COL5A2: variants seen among roughly 807,000 people sequenced by gnomAD.
COL5A2 encodes the protein collagen type V alpha 2 chain.
COL5A2 carries 23 observed loss-of-function variants against 208.2 expected under a neutral mutation model. That is an observed-to-expected ratio of 0.11 (90% CI 0.08 to 0.16). COL5A2 has a LOEUF of 0.16. Among genes scored for constraint, COL5A2 ranks in the 10% least tolerant of loss-of-function variants. The probability of loss-of-function intolerance (pLI) is 1.00; values close to 1 mark genes in which losing one functional copy is unlikely to be tolerated. For synonymous variants in COL5A2, 625 were observed against 628.5 expected (o/e 0.99, Z 0.08); for missense variants, 1,590 against 1,956.4 (o/e 0.81, Z 3.53).
chr2:189,151,871 T>C (rs1327067323), intron 1 of COL5A2, among the ~76,000 whole-genome samples: 1 of 152,200 alleles, frequency 6.6e-6, no homozygotes, highest in East Asian at 1.9e-4. Context: ...GCCACTTTAC[T>C]TTAAAAATCA....
chr2:189,231,554 T>C, the COL5A2 span, among the ~76,000 whole-genome samples: 7 of 151,678 alleles, frequency 4.6e-5, no homozygotes, highest in Non-Finnish European at 1.0e-4. Context: ...CTGATTCATG[T>C]AGATACATAT....
chr2:189,061,451 G>A, intron 30 of COL5A2, 111 bp downstream of exon 30: 2 of 839,672 alleles, frequency 2.4e-6, no homozygotes, highest in Non-Finnish European at 4.0e-6. Flanking sequence ...AAAGAGGGAT[G>A]ACTTTTTGAA....
chr2:189,347,985 T>C, the COL5A2 span, among the ~76,000 whole-genome samples: 1 of 152,146 alleles, frequency 6.6e-6, no homozygotes, highest in Non-Finnish European at 1.5e-5. Context: ...AAGGATTAAT[T>C]TAACTGTTGC....
At chr2:189,281,445 A>G in the COL5A2 span, among the ~76,000 whole-genome samples, 1 of 152,198 alleles carries the variant, frequency 6.6e-6, no homozygotes, top group East Asian at 1.9e-4. Flanking sequence ...AGCTGCTTAT[A>G]TGAGTAATAG....
chr2:189,191,613 C>T (rs898709256), intron 1 of COL5A2, among the ~76,000 whole-genome samples: 2 of 151,884 alleles, frequency 1.3e-5, no homozygotes, highest in Non-Finnish European at 2.9e-5. Flanking sequence ...GCCAAGATTG[C>T]GCTCCAGCCT....
At chr2:189,063,901 T>C in intron 26 of COL5A2, 79 bp downstream of exon 26, 1 of 1,140,412 alleles carries the variant, frequency 8.8e-7, no homozygotes, top group Non-Finnish European at 1.3e-6. Flanking sequence ...TCAAAAACAT[T>C]AACCTAAATA....
chr2:189,164,947 T>C (rs1409806858), intron 1 of COL5A2, among the ~76,000 whole-genome samples: 4 of 152,234 alleles, frequency 2.6e-5, no homozygotes, highest in Admixed American at 2.0e-4. Flanking sequence ...TTTCTCTTCA[T>C]TGACTGCTCA....
intron 1 of COL5A2, among the ~76,000 whole-genome samples, chr2:189,166,574 C>A (rs550353985): frequency 6.6e-6 from 1 of 152,100 alleles, no homozygotes; most frequent in Non-Finnish European, 1.5e-5. Flanking sequence ...TGATTATAAC[C>A]AGACAGCTTT....
At chr2:189,363,420 C>T in the COL5A2 span, among the ~76,000 whole-genome samples, 1 of 151,954 alleles carries the variant, frequency 6.6e-6, no homozygotes, top group Non-Finnish European at 1.5e-5. Flanking sequence ...TTAAAATTAT[C>T]ATATGTTTTT....
chr2:189,074,382 G>C (rs1301032068), intron 17 of COL5A2, among the ~76,000 whole-genome samples: 4 of 152,078 alleles, frequency 2.6e-5, no homozygotes, highest in Non-Finnish European at 5.9e-5. Flanking sequence ...CTATGAAATA[G>C]TGCAAGATGG....
chr2:189,411,796 CA>C, the COL5A2 span, among the ~76,000 whole-genome samples: 2 of 152,060 alleles, frequency 1.3e-5, no homozygotes, highest in East Asian at 1.9e-4. Flanking sequence ...AACAGTTAAA[CA>C]AAACTTGGCA....
the COL5A2 span, among the ~76,000 whole-genome samples, chr2:189,283,848 G>C: frequency 6.6e-6 from 1 of 152,008 alleles, no homozygotes; most frequent in Non-Finnish European, 1.5e-5. Flanking sequence ...TTTAAAATAT[G>C]AGCCTAAAAT....
chr2:189,333,516 C>G, the COL5A2 span, among the ~76,000 whole-genome samples: 2 of 152,022 alleles, frequency 1.3e-5, no homozygotes, highest in Non-Finnish European at 2.9e-5. Context: ...ATGTGAGTAG[C>G]TATATGTTAT....
intron 1 of COL5A2, among the ~76,000 whole-genome samples, chr2:189,191,163 C>CCAAAAA (rs748055610): frequency 2.8e-5 from 2 of 72,270 alleles, no homozygotes; most frequent in Non-Finnish European, 6.2e-5. Flanking sequence ...AAAAAACAAA[C>CCAAAAA]AAACAACAAA....
chr2:189,351,601 T>C, the COL5A2 span, among the ~76,000 whole-genome samples: 1 of 152,216 alleles, frequency 6.6e-6, no homozygotes, highest in South Asian at 2.1e-4. Context: ...AAATTTTGTG[T>C]CATTTTGAAT....
intron 42 of COL5A2, 87 bp from the exon 43 acceptor site, chr2:189,050,763 A>G: frequency 9.0e-7 from 1 of 1,112,018 alleles, no homozygotes; most frequent in Non-Finnish European, 1.3e-6. Flanking sequence ...ACAGCTTTAC[A>G]GGTTTTTCAG....
the COL5A2 span, among the ~76,000 whole-genome samples, chr2:189,337,175 A>AT: frequency 0.22 from 30,768 of 141,812 alleles, 3,311 homozygotes; most frequent in South Asian, 0.26. Context: ...TTTTGACATC[A>AT]TTTTTTTTTT....
intron 36 of COL5A2, 94 bp downstream of exon 36, chr2:189,054,065 G>T: frequency 7.2e-7 from 1 of 1,387,542 alleles, no homozygotes; most frequent in Non-Finnish European, 1.0e-6. Context: ...ATCTTGCTCA[G>T]ATACCATATG....
chr2:189,358,976 G>A, the COL5A2 span, among the ~76,000 whole-genome samples: 12 of 152,196 alleles, frequency 7.9e-5, no homozygotes, highest in Admixed American at 6.5e-4. Context: ...TTTTGGTGGA[G>A]TGGTTAGGAT....
Sources: allele counts gnomAD v4.1 joint callset (sites outside exome capture counted in the v4.1 genomes callset), GRCh38; gene constraint gnomAD v4.1.1; transcripts MANE v1.5; gene names NCBI Gene and HGNC (gene_info 2026-07-23, HGNC 2026-07-21).